Variants in SPOCK1 observed in about 807,000 individuals in gnomAD.
SPOCK1 encodes SPARC (osteonectin), cwcv and kazal like domains proteoglycan 1.
SPOCK1 carries 23 observed loss-of-function variants against 55.3 expected under a neutral mutation model. The observed-to-expected ratio is 0.42, with a 90% CI of 0.30 to 0.59. The LOEUF (loss-of-function observed/expected upper bound fraction) is 0.59, where lower values mean the gene tolerates loss of function less well. Ranked by LOEUF, SPOCK1 falls within the 20% of genes least tolerant of loss-of-function variation. The pLI is 0.22. For synonymous variants in SPOCK1, 226 were observed against 221.0 expected (o/e 1.02, Z -0.20); for missense variants, 499 against 552.5 (o/e 0.90, Z 0.97).
chr5:137,041,612 A>C (rs1751999832), intron 6 of SPOCK1, among the ~76,000 whole-genome samples: 1 of 152,236 alleles, frequency 6.6e-6, no homozygotes, highest in African/African-American at 2.4e-5. Context: ...TTAAAATTCA[A>C]CAAGAACATA....
intron 2 of SPOCK1, among the ~76,000 whole-genome samples, chr5:137,378,529 C>A (rs1436900232): frequency 6.6e-6 from 1 of 152,240 alleles, no homozygotes; most frequent in African/African-American, 2.4e-5. Flanking sequence ...GCTAGATACG[C>A]TAATGAACCC....
At chr5:137,185,148 G>A (rs1029281698) in intron 3 of SPOCK1, among the ~76,000 whole-genome samples, 1 of 152,228 alleles carries the variant, frequency 6.6e-6, no homozygotes, top group African/African-American at 2.4e-5. Context: ...GAAAGGGTCA[G>A]TTGGGAGAGG....
intron 2 of SPOCK1, among the ~76,000 whole-genome samples, chr5:137,407,650 T>G (rs1752127718): frequency 6.6e-6 from 1 of 152,104 alleles, no homozygotes; most frequent in South Asian, 2.1e-4. Context: ...AAAATGCCAG[T>G]GATTCAGGCT....
intron 3 of SPOCK1, among the ~76,000 whole-genome samples, chr5:137,164,211 C>T (rs1371383666): frequency 2.6e-5 from 4 of 152,124 alleles, no homozygotes; most frequent in African/African-American, 9.7e-5. Flanking sequence ...ACTTCTCTAC[C>T]AGATTAAGTT....
At chr5:137,131,990 ATATAT>A (rs1478441197) in intron 4 of SPOCK1, among the ~76,000 whole-genome samples, 23 of 25,420 alleles carry the variant, frequency 9.0e-4, no homozygotes, top group African/African-American at 1.9e-3. Flanking sequence ...AAAAAAAAAA[ATATAT>A]ATATATATAT....
chr5:137,058,122 G>A (rs534856206), intron 6 of SPOCK1, among the ~76,000 whole-genome samples: 1 of 152,222 alleles, frequency 6.6e-6, no homozygotes, highest in Non-Finnish European at 1.5e-5. Context: ...TTAGCTTAAA[G>A]TGTGCGGATG....
intron 6 of SPOCK1, among the ~76,000 whole-genome samples, chr5:137,013,915 G>A (rs1388294965): frequency 6.6e-6 from 1 of 152,134 alleles, no homozygotes; most frequent in Non-Finnish European, 1.5e-5. Context: ...TGCAGGTAGT[G>A]GAGACAGTGG....
chr5:137,398,288 A>T (rs1415129648), intron 2 of SPOCK1, among the ~76,000 whole-genome samples: 2 of 152,170 alleles, frequency 1.3e-5, no homozygotes, highest in Admixed American at 6.5e-5. Context: ...CTAGAGACTA[A>T]GTGTTCAGTC....
intron 3 of SPOCK1, among the ~76,000 whole-genome samples, chr5:137,144,602 G>C (rs1754159222): frequency 6.6e-6 from 1 of 152,222 alleles, no homozygotes; most frequent in South Asian, 2.1e-4. Flanking sequence ...GGGATGAGGA[G>C]TGTGTCATTT....
At chr5:137,418,918 G>GT (rs1263318315) in intron 2 of SPOCK1, among the ~76,000 whole-genome samples, 3 of 152,166 alleles carry the variant, frequency 2.0e-5, no homozygotes, top group Non-Finnish European at 4.4e-5. Context: ...TTCTTCTAGG[G>GT]TTTTTATGGT....
At chr5:137,089,173 C>T (rs1442102023) in intron 5 of SPOCK1, among the ~76,000 whole-genome samples, 2 of 152,176 alleles carry the variant, frequency 1.3e-5, no homozygotes, top group African/African-American at 4.8e-5. Flanking sequence ...TTCCTGGCTT[C>T]CCATCCCCCT....
At chr5:137,385,324 A>C (rs1349842563) in intron 2 of SPOCK1, among the ~76,000 whole-genome samples, 1 of 152,152 alleles carries the variant, frequency 6.6e-6, no homozygotes, top group Non-Finnish European at 1.5e-5. Flanking sequence ...AGATAGACCC[A>C]TGCTTGGAAA....
intron 2 of SPOCK1, among the ~76,000 whole-genome samples, chr5:137,276,045 C>T (rs1276683519): frequency 6.6e-6 from 1 of 152,196 alleles, no homozygotes; most frequent in Middle Eastern, 3.2e-3. Context: ...CTGGTCACAT[C>T]ACCCTCCTGC....
chr5:137,492,832 C>G (rs1754217081), intron 2 of SPOCK1, among the ~76,000 whole-genome samples: 2 of 152,208 alleles, frequency 1.3e-5, no homozygotes, highest in Admixed American at 1.3e-4. Context: ...CTTGCTGCAG[C>G]CCCTTCCCTT....
At chr5:137,178,355 G>A (rs1458302921) in intron 3 of SPOCK1, among the ~76,000 whole-genome samples, 1 of 152,230 alleles carries the variant, frequency 6.6e-6, no homozygotes, top group African/African-American at 2.4e-5. Flanking sequence ...TCAGTTACAT[G>A]AGTAGCACTG....
At chr5:137,434,356 A>G (rs1752810545) in intron 2 of SPOCK1, among the ~76,000 whole-genome samples, 1 of 152,136 alleles carries the variant, frequency 6.6e-6, no homozygotes. Context: ...TGCAGGATAA[A>G]TGGGGACTCT....
rs916477009 is a variant in SPOCK1, at chr5:137,498,575, G to T, written c.1-17C>A. The T allele has an allele frequency of 2.1e-6, 3 of 1,452,498 alleles. No individual in the cohort carries two copies. The highest frequency in any genetic ancestry group is 2.7e-6 in the Non-Finnish European group (3 of 1,111,134). 90.0% of individuals were successfully genotyped at this position (1,452,498 alleles called of 1,614,324 possible). A position where few individuals can be genotyped will look rare whatever the true frequency, so the allele number is the denominator to read the frequency against. ...CGCCGGCATCTGCGGGGCAGGGCGC[G>T]CAGGGCGATGAGCGAAGAGGGCGGG... On this transcript the variant is annotated splice_polypyrimidine_tract_variant and intron_variant, in intron 1 of 10. Coordinates refer to ENST00000394945, the MANE Select transcript of SPOCK1 (RefSeq NM_004598.4).
Position 137,043,301 on chromosome 5 carries a change from T to C in SPOCK1, c.589+24414A>G, listed in dbSNP as rs988734862. ...TGAGTCCACATTATATAAATATTAATACATGCTTTAAGAAACAAATAAATG... is the reference window on the plus strand; with the variant it reads ...TGAGTCCACATTATATAAATATTAACACATGCTTTAAGAAACAAATAAATG... On this transcript the variant is annotated intron_variant, in intron 6 of 10. Transcript: ENST00000394945. 2.1e-4 allele frequency among the ~76,000 whole-genome samples: 32 copies of C among 152,304 alleles called. 2 individuals carry two copies. Among genetic ancestry groups the C allele is most frequent in the South Asian group, 1.4e-3 (7 of 4,830 alleles).
Position 137,005,404 on chromosome 5 carries a change from A to G in SPOCK1, c.590-12804T>C, listed in dbSNP as rs199867978. Among the ~76,000 whole-genome samples the G allele has an allele frequency of 2.4e-4, 2 of 8,438 alleles. 1 individual carries two copies. Among genetic ancestry groups the G allele is most frequent in the Admixed American group, 1.6e-3 (2 of 1,252 alleles). 5.5% of individuals were successfully genotyped at this position (8,438 alleles called of 152,430 possible). Reference sequence around the variant, plus strand: ...CATTGCATCTATGTTCTAGGTTTTGAAAAAAAAAGGAAAAGAGCAAAACTT... The same window carrying G: ...CATTGCATCTATGTTCTAGGTTTTGGAAAAAAAAGGAAAAGAGCAAAACTT... On this transcript the variant is annotated intron_variant, in intron 6 of 10. Transcript: ENST00000394945.
Sources: allele counts gnomAD v4.1 joint callset (sites outside exome capture counted in the v4.1 genomes callset), GRCh38; gene constraint gnomAD v4.1.1; transcripts MANE v1.5; gene names NCBI Gene and HGNC (gene_info 2026-07-23, HGNC 2026-07-21).